Variants in ABHD10 observed in about 807,000 individuals in gnomAD.
The protein encoded by ABHD10 is abhydrolase domain containing 10, depalmitoylase.
A neutral mutation model predicts 33.1 loss-of-function variants in ABHD10; 22 were observed. The ratio of observed to expected loss-of-function variants is 0.66; its 90% CI spans 0.47 to 0.95. The LOEUF (loss-of-function observed/expected upper bound fraction) is 0.95. ABHD10 is among the 40% of genes least tolerant of loss of function. The pLI, the probability that ABHD10 is intolerant of heterozygous loss-of-function variation, is 0.00. For synonymous variants in ABHD10, 146 were observed against 133.9 expected (o/e 1.09, Z -0.62); for missense variants, 352 against 379.9 (o/e 0.93, Z 0.61).
intron 1 of ABHD10, among the ~76,000 whole-genome samples, chr3:111,981,306 T>G (rs1223980918): frequency 3.5e-5 from 4 of 113,548 alleles, no homozygotes; most frequent in Admixed American, 1.1e-4. Flanking sequence ...GGTGAGACCC[T>G]GTCTCAAAAA....
rs560037029 is a variant in ABHD10 at position 111,979,045 on chromosome 3, C to T, written c.-17C>T. 27 of 1,610,204 alleles carry T rather than the reference C, an allele frequency of 1.7e-5. No homozygotes were observed. Among genetic ancestry groups the T allele is most frequent in the Middle Eastern group, 3.3e-4 (2 of 6,016 alleles). On this transcript the variant is annotated 5_prime_UTR_variant, in exon 1 of 5. Coordinates refer to ENST00000273359, the MANE Select transcript of ABHD10 (RefSeq NM_018394.4). Reference sequence around the variant, plus strand: ...TCCCTCAGTGGGACACTGCAGGGTGCGGGGACAACTACGAAGATGGCGGTT... The same window carrying T: ...TCCCTCAGTGGGACACTGCAGGGTGTGGGGACAACTACGAAGATGGCGGTT...
chr3:111,987,922 G>A (rs927165191), intron 4 of ABHD10, among the ~76,000 whole-genome samples: 1 of 152,088 alleles, frequency 6.6e-6, no homozygotes, highest in African/African-American at 2.4e-5. Flanking sequence ...AAAAAATATG[G>A]TCCCTAGGCT....
chr3:111,983,136 C>T (rs887185450), intron 2 of ABHD10, among the ~76,000 whole-genome samples: 1 of 152,060 alleles, frequency 6.6e-6, no homozygotes, highest in Admixed American at 6.5e-5. Flanking sequence ...GGCAGAAATA[C>T]TCATCAGAAT....
At chr3:111,990,409 C>T (rs1013560255) in intron 4 of ABHD10, among the ~76,000 whole-genome samples, 1 of 151,670 alleles carries the variant, frequency 6.6e-6, no homozygotes, top group African/African-American at 2.4e-5. Context: ...AGGAAATAAG[C>T]CATATATTAA....
At chr3:111,982,021 G>C in intron 2 of ABHD10, 54 bp downstream of exon 2, 1 of 1,316,006 alleles carries the variant, frequency 7.6e-7, no homozygotes, top group Non-Finnish European at 1.0e-6. Flanking sequence ...TTACAGTGGA[G>C]AATTACTTCT....
At chr3:111,979,494 G>A (rs575755833) in intron 1 of ABHD10, among the ~76,000 whole-genome samples, 5 of 152,330 alleles carry the variant, frequency 3.3e-5, no homozygotes, top group East Asian at 1.9e-4. Flanking sequence ...GCCAACACTA[G>A]AAAAAATTAA....
intron 1 of ABHD10, among the ~76,000 whole-genome samples, chr3:111,981,475 T>C (rs6796456): frequency 0.21 from 31,381 of 151,960 alleles, 3,319 homozygotes; most frequent in Middle Eastern, 0.28. Flanking sequence ...GATAAAGCAG[T>C]AACAAGAAAA....
In ABHD10 at chr3:111,987,242, A is replaced by C. The variant is rs569037794; in HGVS notation, c.576+191A>C. Reference sequence around the variant, plus strand: ...TCTTTAACTATTTGTCATCTTGTTTAAGATTTCGTTTCTTCATAGTCTCTT... The same window carrying C: ...TCTTTAACTATTTGTCATCTTGTTTCAGATTTCGTTTCTTCATAGTCTCTT... On this transcript the variant is annotated intron_variant, in intron 4 of 4. Coordinates refer to ENST00000273359, the MANE Select transcript of ABHD10 (RefSeq NM_018394.4). 2.0e-4 allele frequency among the ~76,000 whole-genome samples: 31 copies of C among 152,344 alleles called. 1 individual carries two copies. The highest frequency in any genetic ancestry group is 1.6e-3 in the Admixed American group (25 of 15,300).
intron 1 of ABHD10, among the ~76,000 whole-genome samples, chr3:111,980,105 A>G (rs1413363628): frequency 6.6e-6 from 1 of 152,228 alleles, no homozygotes; most frequent in Non-Finnish European, 1.5e-5. Context: ...ATGTTCAAAG[A>G]TGATTTATGA....
chr3:111,984,904 G>A (rs991864279), intron 2 of ABHD10, among the ~76,000 whole-genome samples: 1 of 152,276 alleles, frequency 6.6e-6, no homozygotes, highest in South Asian at 2.1e-4. Flanking sequence ...AATGGTGATG[G>A]TATAGGGCAG....
chr3:111,980,402 A>G (rs1322257493), intron 1 of ABHD10, among the ~76,000 whole-genome samples: 3 of 152,174 alleles, frequency 2.0e-5, no homozygotes, highest in African/African-American at 7.2e-5. Flanking sequence ...TTAATTACAA[A>G]ATGGGGAAAA....
intron 1 of ABHD10, among the ~76,000 whole-genome samples, chr3:111,979,801 C>T (rs1468652113): frequency 5.3e-5 from 8 of 152,138 alleles, no homozygotes; most frequent in African/African-American, 1.9e-4. Flanking sequence ...ATTTTTTTGG[C>T]TTTGTGTGTG....
At chr3:111,981,311 C>CAAAA (rs11301143) in intron 1 of ABHD10, among the ~76,000 whole-genome samples, 211 of 90,486 alleles carry the variant, frequency 2.3e-3, no homozygotes, top group East Asian at 3.7e-3. Flanking sequence ...GACCCTGTCT[C>CAAAA]AAAAAAAAAA....
chr3:111,989,553 C>T (rs2072716073), intron 4 of ABHD10, among the ~76,000 whole-genome samples: 1 of 152,120 alleles, frequency 6.6e-6, no homozygotes, highest in East Asian at 1.9e-4. Context: ...TTCAGTGTCG[C>T]CTTAATTAGC....
intron 1 of ABHD10, among the ~76,000 whole-genome samples, chr3:111,980,365 C>T (rs1386698698): frequency 1.3e-5 from 2 of 152,140 alleles, no homozygotes; most frequent in African/African-American, 4.8e-5. Flanking sequence ...TTAAGGCCTT[C>T]AGTTACATCT....
Position 111,991,709 on chromosome 3 carries a change from T to C in ABHD10, c.909T>C (p.Thr303=), listed in dbSNP as rs772348576. ...TIDDLIDKLS[T]IVN ...ATGACTTAATTGATAAGCTCTCAAC[T>C]ATAGTTAACTAGTATCACATGTTTA... The change falls in exon 5 of 5, where the codon ACT becomes ACC. Residue 303 remains threonine (T), a synonymous_variant. Coordinates refer to ENST00000273359, the MANE Select transcript of ABHD10 (RefSeq NM_018394.4). The C allele has an allele frequency of 3.1e-6, 5 of 1,609,656 alleles. No individual in the cohort carries two copies. Among genetic ancestry groups the C allele is most frequent in the Non-Finnish European group, 8.5e-7 (1 of 1,177,336 alleles).
chr3:111,988,620 ATC>A (rs1243886868), intron 4 of ABHD10, among the ~76,000 whole-genome samples: 2 of 151,848 alleles, frequency 1.3e-5, no homozygotes, highest in African/African-American at 4.8e-5. Context: ...TTTTTAGGGT[ATC>A]TCTGTTGCCC....
Position 111,992,925 on chromosome 3 carries a change from T to G in ABHD10, c.*1204T>G, listed in dbSNP as rs1176439767. Reference sequence around the variant, plus strand: ...TGAAGCCGACCTGACTACTTAACCTTAGAGACCTGCTTTACAAGGTTGGCC... The same window carrying G: ...TGAAGCCGACCTGACTACTTAACCTGAGAGACCTGCTTTACAAGGTTGGCC... On this transcript the variant is annotated 3_prime_UTR_variant, in exon 5 of 5. Transcript: ENST00000273359. The G allele has an allele frequency of 6.6e-6, 1 of 152,224 alleles. No individual in the cohort carries two copies. The highest frequency in any genetic ancestry group is 2.4e-5 in the African/African-American group (1 of 41,454). The allele number at this position is 152,224 out of a possible 1,614,324, so 9.4% of individuals were successfully genotyped here. A position where few individuals can be genotyped will look rare whatever the true frequency, so the allele number is the denominator to read the frequency against.
At chr3:111,987,543 A>T (rs2072683230) in intron 4 of ABHD10, among the ~76,000 whole-genome samples, 1 of 152,154 alleles carries the variant, frequency 6.6e-6, no homozygotes, top group Non-Finnish European at 1.5e-5. Flanking sequence ...ACAGATGGTC[A>T]AGTCTCTGAG....
Sources: allele counts gnomAD v4.1 joint callset (sites outside exome capture counted in the v4.1 genomes callset), GRCh38; gene constraint gnomAD v4.1.1; transcripts MANE v1.5; gene names NCBI Gene and HGNC (gene_info 2026-07-23, HGNC 2026-07-21).